TBX4: variants seen among roughly 807,000 people sequenced by gnomAD.
The protein encoded by TBX4 is T-box transcription factor TBX4.
In TBX4, 13 loss-of-function variants were observed where a neutral mutation model predicts 54.6. That is an observed-to-expected ratio of 0.24 (90% CI 0.15 to 0.38). The LOEUF is 0.38. Ranked by LOEUF, TBX4 falls within the 10% of genes least tolerant of loss-of-function variation. TBX4 has a pLI of 1.00. For synonymous variants in TBX4, 314 were observed against 306.7 expected, an observed-to-expected ratio of 1.02 and a Z score of -0.25; for missense variants, 631 against 728.5, an observed-to-expected ratio of 0.87 and a Z score of 1.54.
chr17:61,480,898 G>A lies in TBX4; in HGVS notation c.1021+579G>A, dbSNP rs1278546876. On this transcript the variant is annotated intron_variant, in intron 8 of 8. Transcript: ENST00000644296. This position sits in a 1 kb window ranked among gnomAD's most constrained non-coding sequence, Gnocchi z 6.2. ...GCCTCTTCGTAAAGAGGAGGAGCCC[G>A]GAGCTGGGCACCATCACATCTGTGC... Among the ~76,000 whole-genome samples the A allele has an allele frequency of 4.6e-5, 7 of 152,218 alleles. No homozygotes were observed. Among genetic ancestry groups the A allele is most frequent in the Non-Finnish European group, 1.0e-4 (7 of 68,044 alleles).
At position 61,475,636 on chromosome 17, in the gene TBX4, G is replaced by C. The variant is rs1281853870; in HGVS notation, c.550-2991G>C. Among the ~76,000 whole-genome samples, 1 of 152,184 alleles carries C rather than the reference G, an allele frequency of 6.6e-6. No homozygotes were observed. Among genetic ancestry groups the C allele is most frequent in the African/African-American group, 2.4e-5 (1 of 41,436 alleles). ...TGGAGGTGGATGACAGTGAGGAGGAGGGGAGTTGATGATGATACCCAGGGC... is the reference window on the plus strand; with the variant it reads ...TGGAGGTGGATGACAGTGAGGAGGACGGGAGTTGATGATGATACCCAGGGC... On this transcript the variant is annotated intron_variant, in intron 5 of 8. Transcript: ENST00000644296. The surrounding 1 kb of genome is among the most constrained non-coding windows in gnomAD (Gnocchi z 5.0).
At position 61,467,818 on chromosome 17, in the gene TBX4, C is replaced by A. The variant is rs547914598; in HGVS notation, c.549+161C>A. Among the ~76,000 whole-genome samples, 35 of 152,352 alleles carry A rather than the reference C, an allele frequency of 2.3e-4. No homozygotes were observed. In the South Asian group the frequency reaches 3.1e-3, roughly 14 times the overall value. ...AAGGAGCTCAAGCCTCTGAGGCCTG[C>A]AGAGAGCTGGACTTCCTTCCCGGCC... On this transcript the variant is annotated intron_variant, in intron 5 of 8. Transcript: ENST00000644296.
intron 1 of TBX4, chr17:61,453,015 GC>G: frequency 3.0e-6 from 3 of 983,872 alleles, no homozygotes; most frequent in Non-Finnish European, 3.6e-6. Context: ...TAGACTCAGA[GC>G]CTTTGATGCA....
chr17:61,483,780 A>G lies in TBX4; in HGVS notation c.*264A>G. The G allele has an allele frequency of 2.1e-6, 1 of 484,906 alleles. No individual in the cohort carries two copies. The highest frequency in any genetic ancestry group is 3.8e-6 in the Non-Finnish European group (1 of 262,910). 30.0% of individuals were successfully genotyped at this position (484,906 alleles called of 1,614,324 possible). ...GGCTGCAGGACCTGGGTCTATTGTT[A>G]TCTGACATCTCTTGACATGCCCGTG... On this transcript the variant is annotated 3_prime_UTR_variant, in exon 9 of 9. Coordinates refer to ENST00000644296, the MANE Select transcript of TBX4 (RefSeq NM_001321120.2). This position sits in a 1 kb window ranked among gnomAD's most constrained non-coding sequence, Gnocchi z 6.6.
chr17:61,480,416 C>T lies in TBX4; in HGVS notation c.1021+97C>T. The T allele has an allele frequency of 2.9e-6, 3 of 1,042,820 alleles. No individual in the cohort carries two copies. Among genetic ancestry groups the T allele is most frequent in the Admixed American group, 2.0e-5 (1 of 50,416 alleles). The allele number at this position is 1,042,820 out of a possible 1,614,324, so 64.6% of individuals were successfully genotyped here. On this transcript the variant is annotated intron_variant, in intron 8 of 8. Coordinates refer to ENST00000644296, the MANE Select transcript of TBX4 (RefSeq NM_001321120.2). The surrounding 1 kb of genome is among the most constrained non-coding windows in gnomAD (Gnocchi z 6.2). ...AGCGCCCCCCCCCCCAACACACACA[C>T]ACTCATCTCGTGCTTGTGTGGCCTG... is the stretch of plus-strand genomic sequence containing the variant.
chr17:61,454,963 C>T (rs527394310), intron 1 of TBX4, among the ~76,000 whole-genome samples: 2 of 152,332 alleles, frequency 1.3e-5, no homozygotes, highest in Admixed American at 1.3e-4. Flanking sequence ...CCGGAGCGGG[C>T]AGCTACCCTA....
intron 5 of TBX4, among the ~76,000 whole-genome samples, chr17:61,470,455 G>A (rs546855996): frequency 6.6e-6 from 1 of 152,296 alleles, no homozygotes; most frequent in East Asian, 1.9e-4. Context: ...TGGGGCCCTG[G>A]AACAGGAACC....
At position 61,474,852 on chromosome 17, in the gene TBX4, T is replaced by C. The variant is rs1315144762; in HGVS notation, c.550-3775T>C. Among the ~76,000 whole-genome samples the C allele has an allele frequency of 6.6e-6, 1 of 152,250 alleles. No individual in the cohort carries two copies. Among genetic ancestry groups the C allele is most frequent in the East Asian group, 1.9e-4 (1 of 5,200 alleles). ...TTCACATTCTCCCGGCTGATGGGAC[T>C]AAGGCTCAAGTTTATACTTGTCTTG... On this transcript the variant is annotated intron_variant, in intron 5 of 8. Coordinates refer to ENST00000644296, the MANE Select transcript of TBX4 (RefSeq NM_001321120.2). The surrounding 1 kb of genome is among the most constrained non-coding windows in gnomAD (Gnocchi z 4.6).
rs979002690 is a variant in TBX4, at chr17:61,481,018, A to G, written c.1021+699A>G. On this transcript the variant is annotated intron_variant, in intron 8 of 8. Transcript: ENST00000644296. The surrounding 1 kb of genome is among the most constrained non-coding windows in gnomAD (Gnocchi z 4.8). Reference sequence around the variant, plus strand: ...ATGGGGCTGCTGAAATTCCCTTCGGAATGAGCCTGGGGACTTTTGCTTGCC... The same window carrying G: ...ATGGGGCTGCTGAAATTCCCTTCGGGATGAGCCTGGGGACTTTTGCTTGCC... Among the ~76,000 whole-genome samples the G allele has an allele frequency of 1.3e-5, 2 of 152,120 alleles. No homozygotes were observed. The highest frequency in any genetic ancestry group is 2.9e-5 in the Non-Finnish European group (2 of 68,024).
In TBX4 at chr17:61,483,358, G is replaced by C; in HGVS notation, c.1483G>C (p.Glu495Gln). Residue 495 changes from glutamate to glutamine, a missense_variant, in exon 9 of 9, where the codon GAG becomes CAG. Transcript: ENST00000644296. This position sits in a 1 kb window ranked among gnomAD's most constrained non-coding sequence, Gnocchi z 6.6. ...ERGPSASFPR[E>Q]RGLPQGCERK... ...GGGGCCCAGCGCCTCATTCCCAAGA[G>C]AGCGCGGCCTCCCCCAAGGGTGTGA... is the stretch of plus-strand genomic sequence containing the variant. 1 of 1,608,636 alleles carries C rather than the reference G, an allele frequency of 6.2e-7. No individual in the cohort carries two copies. The highest frequency in any genetic ancestry group is 8.5e-7 in the Non-Finnish European group (1 of 1,176,068).
Position 61,478,817 on chromosome 17 carries a change from A to T in TBX4, c.702+38A>T. 6.2e-7 allele frequency: 1 copy of T among 1,613,900 alleles called. No individual in the cohort carries two copies. The highest frequency in any genetic ancestry group is 1.3e-5 in the African/African-American group (1 of 74,980). ...CCCCACTGCCCCACAGCCCCACTTA[A>T]CACCACCCTGCGTTCTCTTCCACCA... On this transcript the variant is annotated intron_variant, in intron 6 of 8. Coordinates refer to ENST00000644296, the MANE Select transcript of TBX4 (RefSeq NM_001321120.2). The surrounding 1 kb of genome is among the most constrained non-coding windows in gnomAD (Gnocchi z 7.4).
chr17:61,482,859 T>A (rs1402564657), intron 8 of TBX4, 38 bp from the exon 9 acceptor site: 4 of 1,609,016 alleles, frequency 2.5e-6, no homozygotes, highest in Non-Finnish European at 3.4e-6. Context: ...CCTGGGCTGG[T>A]GGAAATGGTT....
rs1292684486 is a variant in TBX4 at position 61,462,126 on chromosome 17, G to A, written c.282-3693G>A. Among the ~76,000 whole-genome samples the A allele has an allele frequency of 6.6e-6, 1 of 152,068 alleles. No individual in the cohort carries two copies. Among genetic ancestry groups the A allele is most frequent in the African/African-American group, 2.4e-5 (1 of 41,400 alleles). ...AAAAAGCCCCAAACCCTTGCCCCGC[G>A]CCCCGCGCGCCTCCAACACCGAGAA... On this transcript the variant is annotated intron_variant, in intron 3 of 8. Transcript: ENST00000644296. The surrounding 1 kb of genome is among the most constrained non-coding windows in gnomAD (Gnocchi z 4.5).
Position 61,467,655 on chromosome 17 carries a change from C to T in TBX4, c.547C>T (p.His183Tyr). Residue 183 changes from histidine (H) to tyrosine (Y), a missense_variant and splice_region_variant, in exon 5 of 9, where the codon CAT becomes TAT. Transcript: ENST00000644296. ...LTNNHLDPFG[H>Y]IILNSMHKYQ... ...AAACAACCACCTGGACCCCTTTGGC[C>T]ATGTAAGCATGGGGGCTGCCTGGCC... 6.2e-7 allele frequency: 1 copy of T among 1,614,134 alleles called. No homozygotes were observed. The highest frequency in any genetic ancestry group is 8.5e-7 in the Non-Finnish European group (1 of 1,180,032).
chr17:61,465,724 G>A lies in TBX4; in HGVS notation c.282-95G>A. 6.5e-7 allele frequency: 1 copy of A among 1,536,740 alleles called. No homozygotes were observed. Among genetic ancestry groups the A allele is most frequent in the Non-Finnish European group, 8.9e-7 (1 of 1,117,404 alleles). On this transcript the variant is annotated intron_variant, in intron 3 of 8. Coordinates refer to ENST00000644296, the MANE Select transcript of TBX4 (RefSeq NM_001321120.2). This position sits in a 1 kb window ranked among gnomAD's most constrained non-coding sequence, Gnocchi z 4.9. ...GCCAGGATCGCTGGCCAAAAGGGCA[G>A]CATCTGTTAGCGGCCTTCTGCCCCC... is the stretch of plus-strand genomic sequence containing the variant.
At position 61,465,791 on chromosome 17, in the gene TBX4, G is replaced by A. The variant is rs372745832; in HGVS notation, c.282-28G>A. The A allele has an allele frequency of 1.4e-5, 23 of 1,613,076 alleles. No homozygotes were observed. The Middle Eastern group carries it at 6.6e-4, about 46-fold the overall frequency. On this transcript the variant is annotated intron_variant, in intron 3 of 8. Transcript: ENST00000644296. This position sits in a 1 kb window ranked among gnomAD's most constrained non-coding sequence, Gnocchi z 4.9. ...ATCTCTCCTGGTGCTCTGTCCACAC[G>A]CTCCGCCTCACCCCTCGGCTCCCCC...
chr17:61,456,376 C>G (rs571382932), intron 1 of TBX4, 112 bp from the exon 2 acceptor site: 1 of 1,444,558 alleles, frequency 6.9e-7, no homozygotes, highest in African/African-American at 1.4e-5. Context: ...TCCACGTGCT[C>G]CAGGGCTGCC....
intron 1 of TBX4, among the ~76,000 whole-genome samples, chr17:61,455,538 C>T (rs1212680218): frequency 6.6e-6 from 1 of 152,238 alleles, no homozygotes; most frequent in African/African-American, 2.4e-5. Flanking sequence ...GAGCAGGCAC[C>T]TGAGTAGGCG....
At position 61,457,702 on chromosome 17, in the gene TBX4, G is replaced by A. The variant is rs1292888299; in HGVS notation, c.281+71G>A. On this transcript the variant is annotated intron_variant, in intron 3 of 8. Transcript: ENST00000644296. The surrounding 1 kb of genome is among the most constrained non-coding windows in gnomAD (Gnocchi z 8.2). ...GGGGGGCCAGGGAGGTCCCTTAGAA[G>A]TCCTCTCGGCCCCGGCCTGGTGGCC... The A allele has an allele frequency of 6.8e-7, 1 of 1,465,734 alleles. No individual in the cohort carries two copies. The highest frequency in any genetic ancestry group is 9.5e-7 in the Non-Finnish European group (1 of 1,054,264). 90.8% of individuals were successfully genotyped at this position (1,465,734 alleles called of 1,614,324 possible). A position where few individuals can be genotyped will look rare whatever the true frequency, so the allele number is the denominator to read the frequency against.
Sources: allele counts gnomAD v4.1 joint callset (sites outside exome capture counted in the v4.1 genomes callset), GRCh38; gene constraint gnomAD v4.1.1; non-coding constraint Gnocchi (gnomAD v3.1); transcripts MANE v1.5; gene names NCBI Gene and HGNC (gene_info 2026-07-23, HGNC 2026-07-21).